The following ADAM12 variants were observed in gnomAD, a reference collection of about 807,000 sequenced individuals.
The protein encoded by ADAM12 is disintegrin and metalloproteinase domain-containing protein 12.
ADAM12 carries 70 observed loss-of-function variants against 106.4 expected under a neutral mutation model. The observed-to-expected ratio is 0.66, with a 90% CI of 0.54 to 0.80. The LOEUF (loss-of-function observed/expected upper bound fraction) is 0.80. Among genes scored for constraint, ADAM12 ranks in the 30% least tolerant of loss-of-function variants. The pLI is 0.00. For missense variants in ADAM12, 1,010 were observed against 1,171.9 expected, an observed-to-expected ratio of 0.86 and a Z score of 2.02; for synonymous variants, 420 against 433.5, an observed-to-expected ratio of 0.97 and a Z score of 0.39.
chr10:126,186,643 G>A (rs889130220), intron 3 of ADAM12, among the ~76,000 whole-genome samples: 1 of 152,010 alleles, frequency 6.6e-6, no homozygotes, highest in East Asian at 1.9e-4. Context: ...ATAGAGGGGG[G>A]CAGGAATCGC....
At chr10:126,293,757 G>T (rs1038446689) in intron 2 of ADAM12, among the ~76,000 whole-genome samples, 1 of 152,062 alleles carries the variant, frequency 6.6e-6, no homozygotes, top group African/African-American at 2.4e-5. Context: ...CTGACCTCAG[G>T]TGACCCACCC....
At chr10:126,137,704 C>T (rs78253196) in intron 4 of ADAM12, among the ~76,000 whole-genome samples, 3,231 of 152,296 alleles carry the variant, frequency 0.021, 54 homozygotes, top group Non-Finnish European at 0.031. Context: ...CATACTGAGG[C>T]ATGCATTAGA....
intron 14 of ADAM12, among the ~76,000 whole-genome samples, chr10:126,060,493 C>T (rs1424829630): frequency 3.3e-5 from 5 of 152,180 alleles, no homozygotes; most frequent in Admixed American, 2.0e-4. Flanking sequence ...GCTCTGAGTT[C>T]CTACATTTCC....
At chr10:126,135,236 G>T in intron 5 of ADAM12, 1 of 247,172 alleles carries the variant, frequency 4.0e-6, no homozygotes, top group Non-Finnish European at 7.8e-6. Flanking sequence ...GGTATGTAAT[G>T]TTCTATCTTT....
At chr10:126,154,315 T>C (rs1195577994) in intron 4 of ADAM12, among the ~76,000 whole-genome samples, 1 of 152,248 alleles carries the variant, frequency 6.6e-6, no homozygotes, top group Non-Finnish European at 1.5e-5. Context: ...TTATATTTTA[T>C]CCTGGATTTC....
chr10:126,272,730 G>A (rs147560159), intron 3 of ADAM12: 469 of 178,270 alleles, frequency 2.6e-3, no homozygotes, highest in Non-Finnish European at 4.4e-3. Flanking sequence ...CTGTTGGTCC[G>A]GGTGCTGCTG....
At chr10:126,193,461 A>G (rs1211717987) in intron 3 of ADAM12, among the ~76,000 whole-genome samples, 3 of 152,162 alleles carry the variant, frequency 2.0e-5, no homozygotes, top group Non-Finnish European at 2.9e-5. Flanking sequence ...AATACATTAG[A>G]GAAATGTGCT....
chr10:126,045,437 G>A (rs1954291528), intron 17 of ADAM12, among the ~76,000 whole-genome samples: 1 of 152,096 alleles, frequency 6.6e-6, no homozygotes, highest in Admixed American at 6.5e-5. Flanking sequence ...TAAAGAATTT[G>A]GAGCAGGATT....
chr10:126,133,241 C>T (rs1298003258), intron 5 of ADAM12, among the ~76,000 whole-genome samples: 1 of 152,118 alleles, frequency 6.6e-6, no homozygotes, highest in Non-Finnish European at 1.5e-5. Flanking sequence ...CACTTCCAAA[C>T]TCTCCTTCTT....
rs1184557802 is a variant in ADAM12 at position 126,064,432 on chromosome 10, G to A, written c.1609+374C>T. Among the ~76,000 whole-genome samples the A allele has an allele frequency of 1.3e-5, 2 of 152,284 alleles. No individual in the cohort carries two copies. Among genetic ancestry groups the A allele is most frequent in the South Asian group, 2.1e-4 (1 of 4,826 alleles). On this transcript the variant is annotated intron_variant, in intron 14 of 22. Coordinates refer to ENST00000448723, the MANE Select transcript of ADAM12 (RefSeq NM_001288973.2). The surrounding 1 kb of genome is among the most constrained non-coding windows in gnomAD (Gnocchi z 4.4). ...ATGCTATCTGAGGGCAGGAGTCATG[G>A]TGGATTCATCCCTGCCATCCCTCGG...
At chr10:126,347,525 T>A (rs1643974325) in intron 1 of ADAM12, among the ~76,000 whole-genome samples, 1 of 152,236 alleles carries the variant, frequency 6.6e-6, no homozygotes, top group African/African-American at 2.4e-5. Flanking sequence ...TTGAGGAGTA[T>A]CTTTGTGGCG....
At chr10:126,379,134 G>T (rs1356788827) in intron 1 of ADAM12, among the ~76,000 whole-genome samples, 2 of 152,170 alleles carry the variant, frequency 1.3e-5, no homozygotes, top group East Asian at 1.9e-4. Context: ...ACAGTGTGGT[G>T]ATTTCTCAAG....
At chr10:126,361,878 A>AT (rs993472586) in intron 1 of ADAM12, among the ~76,000 whole-genome samples, 9 of 151,732 alleles carry the variant, frequency 5.9e-5, no homozygotes, top group East Asian at 1.9e-4. Flanking sequence ...TCTATAGGCA[A>AT]TTTTTTTTTA....
chr10:126,247,447 T>C (rs1482948936), intron 3 of ADAM12, among the ~76,000 whole-genome samples: 2 of 152,228 alleles, frequency 1.3e-5, no homozygotes, highest in African/African-American at 4.8e-5. Flanking sequence ...TGTATCACAG[T>C]AGTAGCAGGA....
chr10:126,358,562 C>T (rs934820961), intron 1 of ADAM12, among the ~76,000 whole-genome samples: 1 of 152,060 alleles, frequency 6.6e-6, no homozygotes, highest in Non-Finnish European at 1.5e-5. Context: ...AATTGAAAGC[C>T]CTTCCTCTAA....
At chr10:126,128,258 G>A (rs1175336957) in intron 5 of ADAM12, among the ~76,000 whole-genome samples, 1 of 152,152 alleles carries the variant, frequency 6.6e-6, no homozygotes, top group Non-Finnish European at 1.5e-5. Context: ...GGATGAGGAA[G>A]GGAAGTGAGC....
chr10:126,384,121 A>G (rs1487371771), intron 1 of ADAM12, among the ~76,000 whole-genome samples: 2 of 152,214 alleles, frequency 1.3e-5, no homozygotes, highest in Non-Finnish European at 2.9e-5. Context: ...GTAAGCATAA[A>G]GGCAAAAGTC....
At chr10:126,357,663 T>A (rs2133896927) in intron 1 of ADAM12, among the ~76,000 whole-genome samples, 1 of 152,230 alleles carries the variant, frequency 6.6e-6, no homozygotes, top group South Asian at 2.1e-4. Context: ...AATCCTTCTT[T>A]ACATGGCAGC....
intron 2 of ADAM12, among the ~76,000 whole-genome samples, chr10:126,319,483 T>C (rs1051774542): frequency 1.3e-5 from 2 of 152,068 alleles, no homozygotes; most frequent in Admixed American, 1.3e-4. Context: ...AGAAAAACGC[T>C]GGAAAATCCC....
Sources: gnomAD v4.1 joint callset for allele counts (sites outside exome capture counted in the v4.1 genomes callset) on GRCh38, gnomAD v4.1.1 for gene constraint, Gnocchi (gnomAD v3.1) non-coding constraint, MANE v1.5 for transcripts, NCBI Gene and HGNC (gene_info 2026-07-23, HGNC 2026-07-21) for gene names.